Variants in TP53BP1 observed in about 807,000 individuals in gnomAD.
TP53BP1 encodes tumor protein p53 binding protein 1, also known as TP53-binding protein 1.
In TP53BP1, 61 loss-of-function variants were observed where a neutral mutation model predicts 200.8. That is an observed-to-expected ratio of 0.30 (90% CI 0.25 to 0.38). The LOEUF (loss-of-function observed/expected upper bound fraction) is 0.38. TP53BP1 is among the 10% of genes least tolerant of loss of function. The pLI is 1.00. For synonymous variants in TP53BP1, 822 were observed against 844.3 expected, an observed-to-expected ratio of 0.97 and a Z score of 0.46; for missense variants, 2,144 against 2,371.9, an observed-to-expected ratio of 0.90 and a Z score of 2.00.
chr15:43,409,391 C>T (rs1484612612), intron 25 of TP53BP1: 13 of 550,960 alleles, frequency 2.4e-5, no homozygotes, highest in Non-Finnish European at 4.2e-5. Flanking sequence ...GGGGTTTCTA[C>T]TACTAAACAT....
intron 24 of TP53BP1, among the ~76,000 whole-genome samples, chr15:43,410,799 A>AC: frequency 6.6e-6 from 1 of 152,200 alleles, no homozygotes; most frequent in South Asian, 2.1e-4. Context: ...GAGCTCAGGC[A>AC]CCGCCGAGGC....
chr15:43,491,217 A>C (rs2079117543), intron 4 of TP53BP1, among the ~76,000 whole-genome samples: 1 of 151,918 alleles, frequency 6.6e-6, no homozygotes, highest in African/African-American at 2.4e-5. Context: ...AATAGCTGGG[A>C]TTACAGGCAC....
Position 43,422,111 on chromosome 15 carries a change from T to C in TP53BP1, c.3844A>G (p.Ile1282Val). 5.0e-6 allele frequency: 8 copies of C among 1,614,004 alleles called. No homozygotes were observed. The highest frequency in any genetic ancestry group is 5.9e-6 in the Non-Finnish European group (7 of 1,179,964). The change falls in exon 19 of 28, where the codon ATT (isoleucine) becomes GTT (valine). Residue 1282 changes from isoleucine to valine, a missense_variant. By Grantham distance (29) the Ile-to-Val change is conservative. Transcript: ENST00000382044. ...RKVTEETEEPIVECQECETEV... is the reference protein window; with the variant it reads ...RKVTEETEEPVVECQECETEV... ...GTTTCACACTCCTGACACTCTACAA[T>C]TGGCTCTTCAGTCTCCTGCAAGGAA...
intron 4 of TP53BP1, among the ~76,000 whole-genome samples, chr15:43,488,243 A>T (rs1276232936): frequency 6.6e-6 from 1 of 152,006 alleles, no homozygotes; most frequent in Non-Finnish European, 1.5e-5. Flanking sequence ...AGGCTGCACT[A>T]ACCATGACCT....
chr15:43,409,270 C>A (rs1241736652), intron 25 of TP53BP1, 174 bp from the exon 26 acceptor site: 2 of 628,842 alleles, frequency 3.2e-6, no homozygotes, highest in African/African-American at 3.7e-5. Context: ...CAAGTAATTT[C>A]CATAGATGTT....
upstream of TP53BP1, chr15:43,493,159 C>T (rs778895769): frequency 3.4e-5 from 52 of 1,549,494 alleles, no homozygotes; most frequent in Non-Finnish European, 4.2e-5. Flanking sequence ...GCGAACTCCC[C>T]CTTTCCCGTC....
chr15:43,456,043 C>T lies in TP53BP1; in HGVS notation c.2565G>A (p.Leu855=), dbSNP rs2046285735. 1.2e-5 allele frequency: 19 copies of T among 1,614,180 alleles called. No individual in the cohort carries two copies. Among genetic ancestry groups the T allele is most frequent in the Non-Finnish European group, 1.5e-5 (18 of 1,180,040 alleles). Residue 855 remains leucine (L), a synonymous_variant, in exon 12 of 28, where the codon TTG becomes TTA. Transcript: ENST00000382044. Reference sequence around the variant, plus strand: ...TTTTCTCCTGAGTTTGGGGCTGCTGCAACTCCTGGTCAAGTCTTAAAGGAT... The same window carrying T: ...TTTTCTCCTGAGTTTGGGGCTGCTGTAACTCCTGGTCAAGTCTTAAAGGAT... ...ADDPLRLDQE[L]QQPQTQEKTS... is the part of the protein sequence containing the mutation.
At chr15:43,440,797 G>T (rs1359958288) in intron 15 of TP53BP1, among the ~76,000 whole-genome samples, 1 of 152,152 alleles carries the variant, frequency 6.6e-6, no homozygotes, top group Non-Finnish European at 1.5e-5. Context: ...GCTGAGGCAG[G>T]AGGATAGCTG....
Position 43,420,614 on chromosome 15 carries a change from C to G in TP53BP1, c.4372G>C (p.Gly1458Arg), listed in dbSNP as rs749853527. 2 of 1,614,182 alleles carry G rather than the reference C, an allele frequency of 1.2e-6. No individual in the cohort carries two copies. Among genetic ancestry groups the G allele is most frequent in the Non-Finnish European group, 8.5e-7 (1 of 1,180,026 alleles). The stretch of plus-strand genomic sequence containing the variant: ...TCACTACGACGCAAAGCACCAGCAC[C>G]CACATCTGTTCGTCTGGTGGAGTCT... ...VPDSTRRTDV[G>R]AGALRRSDSP... The change falls in exon 21 of 28, where the codon GGT becomes CGT. Residue 1458 changes from glycine (G) to arginine (R), a missense_variant. Physicochemically the swap from Gly to Arg is moderately radical, Grantham distance 125 (BLOSUM62 -2). Transcript: ENST00000382044.
At chr15:43,477,801 A>C (rs1431984626) in intron 7 of TP53BP1, 42 bp from the exon 8 acceptor site, 1 of 1,406,720 alleles carries the variant, frequency 7.1e-7, no homozygotes, top group East Asian at 2.5e-5. Flanking sequence ...TCCTAAGTTC[A>C]AATGTTTTTA....
chr15:43,460,407 C>A (rs139058456), intron 11 of TP53BP1, among the ~76,000 whole-genome samples: 1 of 152,076 alleles, frequency 6.6e-6, no homozygotes, highest in Non-Finnish European at 1.5e-5. Flanking sequence ...ACTACAGGTG[C>A]GCACCACCAG....
chr15:43,452,981 T>G (rs980218502), intron 12 of TP53BP1, among the ~76,000 whole-genome samples: 11 of 151,802 alleles, frequency 7.2e-5, no homozygotes, highest in Non-Finnish European at 1.6e-4. Context: ...GATCACGAGG[T>G]CAGGAGATCG....
upstream of TP53BP1, among the ~76,000 whole-genome samples, chr15:43,495,187 T>C (rs1420386397): frequency 1.3e-5 from 2 of 148,238 alleles, no homozygotes; most frequent in East Asian, 2.0e-4. Flanking sequence ...TGAGACCCTG[T>C]CTGAAACAAC....
chr15:43,460,003 T>C (rs2143012087), intron 11 of TP53BP1, among the ~76,000 whole-genome samples: 1 of 152,292 alleles, frequency 6.6e-6, no homozygotes, highest in South Asian at 2.1e-4. Context: ...GGAAACTTTT[T>C]AGGGTGAGGG....
chr15:43,443,762 C>A (rs552301557), intron 14 of TP53BP1, among the ~76,000 whole-genome samples: 1 of 152,110 alleles, frequency 6.6e-6, no homozygotes, highest in South Asian at 2.1e-4. Flanking sequence ...GATTAAAGGT[C>A]GTACTGAAAA....
intron 24 of TP53BP1, among the ~76,000 whole-genome samples, chr15:43,410,262 A>C (rs568958538): frequency 6.6e-6 from 1 of 152,344 alleles, no homozygotes; most frequent in African/African-American, 2.4e-5. Flanking sequence ...AAACTTTAAT[A>C]AACCAGAATG....
chr15:43,486,025 G>A (rs913538001), intron 4 of TP53BP1, among the ~76,000 whole-genome samples: 5 of 152,078 alleles, frequency 3.3e-5, no homozygotes, highest in Non-Finnish European at 7.3e-5. Flanking sequence ...AGTGTAAACG[G>A]AGCCAGAAGA....
intron 12 of TP53BP1, among the ~76,000 whole-genome samples, chr15:43,451,378 C>T (rs2046165798): frequency 6.7e-6 from 1 of 150,350 alleles, no homozygotes; most frequent in Non-Finnish European, 1.5e-5. Flanking sequence ...TGTTCCCCTT[C>T]CTGTGTCCAT....
At chr15:43,499,019 CAAA>C (rs540418662) in intron 1 of TP53BP1, among the ~76,000 whole-genome samples, 106 of 141,440 alleles carry the variant, frequency 7.5e-4, no homozygotes, top group African/African-American at 2.5e-3. Context: ...ACAACAACAA[CAAA>C]AAAAAAAAAA....
Sources: allele counts gnomAD v4.1 joint callset (sites outside exome capture counted in the v4.1 genomes callset), GRCh38; gene constraint gnomAD v4.1.1; transcripts MANE v1.5; gene names NCBI Gene and HGNC (gene_info 2026-07-23, HGNC 2026-07-21).